Variants in SLC8A1 observed in about 807,000 individuals in gnomAD.
The protein encoded by SLC8A1 is solute carrier family 8 member A1.
Under a neutral mutation model 68.3 loss-of-function variants are expected in SLC8A1, and 18 were observed. The observed-to-expected ratio is 0.26, with a 90% CI of 0.18 to 0.39. SLC8A1 has a LOEUF of 0.39. Ranked by LOEUF, SLC8A1 falls within the 10% of genes least tolerant of loss-of-function variation. The probability of loss-of-function intolerance (pLI) is 1.00; values close to 1 mark genes in which losing one functional copy is unlikely to be tolerated. For missense variants in SLC8A1, 985 were observed against 1,156.7 expected (o/e 0.85, Z 2.15); for synonymous variants, 475 against 415.5 (o/e 1.14, Z -1.74).
intron 1 of SLC8A1, among the ~76,000 whole-genome samples, chr2:40,441,121 T>C (rs1056022160): frequency 2.0e-5 from 3 of 152,122 alleles, no homozygotes; most frequent in South Asian, 2.1e-4. Flanking sequence ...CAAGCATTCC[T>C]ATACACCAAA....
intron 2 of SLC8A1, among the ~76,000 whole-genome samples, chr2:40,332,471 T>A (rs1017306535): frequency 1.3e-5 from 2 of 152,160 alleles, no homozygotes; most frequent in African/African-American, 4.8e-5. Flanking sequence ...TTATGTATCT[T>A]TATCCCGTGA....
In SLC8A1 at chr2:40,248,962, C is replaced by A. The variant is rs967775448; in HGVS notation, c.1809-71107G>T. On this transcript the variant is annotated intron_variant, in intron 2 of 7. Transcript: ENST00000406785. ...TGTCTTTTAATTTGATTCCACATCA[C>A]CAGGGGCAGAATAAGTTTTATTTCT... is the stretch of plus-strand genomic sequence containing the variant. Among the ~76,000 whole-genome samples the A allele has an allele frequency of 2.6e-5, 4 of 152,090 alleles. No individual in the cohort carries two copies. In the South Asian group the frequency reaches 8.3e-4, roughly 31 times the overall value.
intron 6 of SLC8A1, among the ~76,000 whole-genome samples, chr2:40,140,397 T>G (rs73927124): frequency 0.15 from 22,406 of 152,238 alleles, 1,957 homozygotes; most frequent in African/African-American, 0.23. Flanking sequence ...TCCTCTGTGA[T>G]GCACTCTCTG....
chr2:40,186,667 A>T (rs1407714730), intron 2 of SLC8A1, among the ~76,000 whole-genome samples: 1 of 152,142 alleles, frequency 6.6e-6, no homozygotes. Flanking sequence ...CTTTCTCGAA[A>T]TCTTGAGAGA....
chr2:40,355,644 C>T (rs1672437430), intron 2 of SLC8A1, among the ~76,000 whole-genome samples: 1 of 152,122 alleles, frequency 6.6e-6, no homozygotes. Context: ...AGTGGTTTAC[C>T]CTGAGGCCAG....
At chr2:40,430,254 A>G (rs769724176) in exon 2 of SLC8A1, 3 of 1,612,844 alleles carry the variant, frequency 1.9e-6, no homozygotes, top group Non-Finnish European at 2.5e-6. Context: ...AGGTGGGTGA[A>G]AGACTTAATC....
intron 2 of SLC8A1, among the ~76,000 whole-genome samples, chr2:40,194,723 A>G (rs2052621936): frequency 6.6e-6 from 1 of 151,838 alleles, no homozygotes. Context: ...GGCCAAGGTG[A>G]TAGCAAGGGT....
chr2:40,148,372 C>T (rs1356453075), intron 6 of SLC8A1, among the ~76,000 whole-genome samples: 1 of 152,198 alleles, frequency 6.6e-6, no homozygotes, highest in African/African-American at 2.4e-5. Context: ...GCTGGCTCTA[C>T]AGCAATGACA....
rs370384778 is a variant in SLC8A1, at chr2:40,355,991, C to T, written c.1808+72482G>A. On this transcript the variant is annotated intron_variant, in intron 2 of 7. Transcript: ENST00000406785. ...GAACCTACGACATGCCAAGCACCTA[C>T]CGAGAGCTAGAGGTAGAGTCACTGA... 1.8e-3 allele frequency among the ~76,000 whole-genome samples: 275 copies of T among 152,258 alleles called. 8 individuals carry two copies. In the South Asian group the frequency reaches 0.054, roughly 30 times the overall value.
At chr2:40,131,499 T>C (rs1218266220) in intron 7 of SLC8A1, among the ~76,000 whole-genome samples, 1 of 152,196 alleles carries the variant, frequency 6.6e-6, no homozygotes, top group Non-Finnish European at 1.5e-5. Context: ...GGAACATGTT[T>C]GTGATGAGTG....
chr2:40,372,757 C>G (rs937898392), intron 2 of SLC8A1, among the ~76,000 whole-genome samples: 2 of 152,080 alleles, frequency 1.3e-5, no homozygotes, highest in Admixed American at 1.3e-4. Flanking sequence ...GATACTTCCT[C>G]CCCTGTAGTT....
exon 8 of SLC8A1, chr2:40,099,973 G>A (rs1393785912): frequency 6.6e-6 from 1 of 152,048 alleles, no homozygotes; most frequent in East Asian, 1.9e-4. Context: ...AGTTACCAAT[G>A]TCTCCTCGGT....
intron 2 of SLC8A1, among the ~76,000 whole-genome samples, chr2:40,387,694 T>C (rs756369618): frequency 2.0e-5 from 3 of 151,512 alleles, no homozygotes; most frequent in Admixed American, 6.5e-5. Flanking sequence ...TCCCAAAACA[T>C]TGAGAAGCCT....
chr2:40,131,858 A>ATTTTTTTTTT (rs71404277), intron 7 of SLC8A1, among the ~76,000 whole-genome samples: 5 of 95,558 alleles, frequency 5.2e-5, no homozygotes, highest in Non-Finnish European at 9.9e-5. Context: ...TTGGTATTCT[A>ATTTTTTTTTT]TTTTTTTTTT....
chr2:40,431,460 A>G (rs906386206), intron 1 of SLC8A1, among the ~76,000 whole-genome samples: 2 of 152,110 alleles, frequency 1.3e-5, no homozygotes, highest in Non-Finnish European at 2.9e-5. Flanking sequence ...AAAGCTTGGT[A>G]GGCATAGCAG....
At chr2:40,408,060 A>T (rs781479223) in intron 2 of SLC8A1, among the ~76,000 whole-genome samples, 3 of 152,178 alleles carry the variant, frequency 2.0e-5, no homozygotes, top group African/African-American at 2.4e-5. Flanking sequence ...ACAAGTTAAT[A>T]ATCTTCCAGC....
At chr2:40,396,484 AGAT>A (rs1315117291) in intron 2 of SLC8A1, among the ~76,000 whole-genome samples, 2 of 152,138 alleles carry the variant, frequency 1.3e-5, no homozygotes, top group Non-Finnish European at 1.5e-5. Context: ...GATAATTAGA[AGAT>A]GATGATAGAA....
chr2:40,237,461 A>G (rs1357258966), intron 2 of SLC8A1, among the ~76,000 whole-genome samples: 3 of 151,474 alleles, frequency 2.0e-5, no homozygotes, highest in East Asian at 3.9e-4. Context: ...TCCATCAGCT[A>G]CTTTAAGCAT....
intron 1 of SLC8A1, among the ~76,000 whole-genome samples, chr2:40,447,390 G>A (rs1029721280): frequency 1.3e-5 from 2 of 151,916 alleles, no homozygotes; most frequent in Admixed American, 6.6e-5. Context: ...GCCTTTGTCT[G>A]GCTACTCTCT....
Sources: gnomAD v4.1 joint callset for allele counts (sites outside exome capture counted in the v4.1 genomes callset) on GRCh38, gnomAD v4.1.1 for gene constraint, MANE v1.5 for transcripts, NCBI Gene and HGNC (gene_info 2026-07-23, HGNC 2026-07-21) for gene names.